Variants in KIF7 observed in about 807,000 individuals in gnomAD.
KIF7 encodes the protein kinesin family member 7.
KIF7 carries 104 observed loss-of-function variants against 135.7 expected under a neutral mutation model. The observed-to-expected ratio is 0.77, with a 90% CI of 0.65 to 0.90. The LOEUF (loss-of-function observed/expected upper bound fraction) is 0.90, where lower values mean the gene tolerates loss of function less well. Ranked by LOEUF, KIF7 falls within the 40% of genes least tolerant of loss-of-function variation. The probability of loss-of-function intolerance (pLI) is 0.00; values close to 1 mark genes in which losing one functional copy is unlikely to be tolerated. For missense variants in KIF7, 2,005 were observed against 1,839.1 expected (o/e 1.09, Z -1.65); for synonymous variants, 883 against 809.4 (o/e 1.09, Z -1.54).
rs1289968482 is a variant in KIF7, at chr15:89,630,449, C to G, written c.3156G>C (p.Leu1052=). 6.3e-7 allele frequency: 1 copy of G among 1,579,146 alleles called. No homozygotes were observed. The highest frequency in any genetic ancestry group is 1.2e-5 in the South Asian group (1 of 86,634). ...CATTCTTATACTCAATGGCAGCATC[C>G]AGGGCCTCGATGGCCTCATCCAACT... ...LFQLDEAIEA[L]DAAIEYKNEA... Residue 1052 remains leucine, a synonymous_variant, in exon 16 of 19, where the codon CTG becomes CTC. Coordinates refer to ENST00000394412, the MANE Select transcript of KIF7 (RefSeq NM_198525.3).
chr15:89,625,883 C>T (rs1300938352), downstream of KIF7: 3 of 1,542,942 alleles, frequency 1.9e-6, no homozygotes, highest in Non-Finnish European at 2.6e-6. Flanking sequence ...GAGGCCTGGG[C>T]TTCCCGGTTG....
In KIF7 at chr15:89,647,587, G is replaced by C; in HGVS notation, c.1560+9C>G. The C allele has an allele frequency of 6.2e-7, 1 of 1,608,826 alleles. No individual in the cohort carries two copies. The highest frequency in any genetic ancestry group is 8.5e-7 in the Non-Finnish European group (1 of 1,177,906). On this transcript the variant is annotated intron_variant, in intron 6 of 18. Coordinates refer to ENST00000394412, the MANE Select transcript of KIF7 (RefSeq NM_198525.3). ...AAGCCTTCCCCGCACTGTGAAGCGGGCGCCGCACCTGCAGTTTGTACTGCT... is the reference window on the plus strand; with the variant it reads ...AAGCCTTCCCCGCACTGTGAAGCGGCCGCCGCACCTGCAGTTTGTACTGCT...
At chr15:89,625,767 C>G, downstream of KIF7, 1 of 1,604,346 alleles carries the variant, frequency 6.2e-7, no homozygotes, top group Non-Finnish European at 8.5e-7. Context: ...CCACGGGAGA[C>G]GAAGAGGTGT....
intron 14 of KIF7, among the ~76,000 whole-genome samples, chr15:89,632,085 A>G (rs980958446): frequency 2.6e-5 from 4 of 152,168 alleles, no homozygotes; most frequent in East Asian, 1.9e-4. Context: ...TGCGGGAGGA[A>G]GTGAGGGCTC....
chr15:89,638,597 G>T (rs1212650915), intron 11 of KIF7, among the ~76,000 whole-genome samples: 1 of 151,162 alleles, frequency 6.6e-6, no homozygotes. Context: ...GGGATGTGAA[G>T]GACCTCTTCA....
At chr15:89,621,819 T>G (rs1963429655) in intron 1 of KIF7, among the ~76,000 whole-genome samples, 1 of 152,144 alleles carries the variant, frequency 6.6e-6, no homozygotes, top group South Asian at 2.1e-4. Context: ...GTTTATATTA[T>G]ATACTGCACA....
chr15:89,652,886 T>C lies in KIF7; in HGVS notation c.45A>G (p.Pro15=). The change falls in exon 2 of 19, where the codon CCA becomes CCG. Residue 15 remains proline (P), a synonymous_variant. Transcript: ENST00000394412. Reference sequence around the variant, plus strand: ...GTCGAACTCGCAGGGCAACCCGCACTGGGGCCTCCTCAGCCCCTGGCAGCC... The same window carrying C: ...GTCGAACTCGCAGGGCAACCCGCACCGGGGCCTCCTCAGCCCCTGGCAGCC... The part of the protein sequence containing the change: ...AQRLPGAEEA[P]VRVALRVRPL... The C allele has an allele frequency of 6.5e-7, 1 of 1,538,736 alleles. No homozygotes were observed. The highest frequency in any genetic ancestry group is 8.8e-7 in the Non-Finnish European group (1 of 1,140,542).
At chr15:89,661,935 A>G in the KIF7 span, among the ~76,000 whole-genome samples, 2 of 152,068 alleles carry the variant, frequency 1.3e-5, no homozygotes, top group African/African-American at 4.8e-5. Flanking sequence ...GGGTTTCACC[A>G]TGTTGGCCAG....
chr15:89,645,956 G>A lies in KIF7; in HGVS notation c.1859C>T (p.Ser620Leu), dbSNP rs776869340. Reference sequence around the variant, plus strand: ...CTCCTCTTCCTCCTCTGAAGCAGCTGAAGAGCCACTTCCCAGCCTGTTCAC... The same window carrying A: ...CTCCTCTTCCTCCTCTGAAGCAGCTAAAGAGCCACTTCCCAGCCTGTTCAC... ...TEVNRLGSGS[S>L]AASEEEEEEE... Residue 620 changes from serine to leucine, a missense_variant, in exon 8 of 19, where the codon TCA becomes TTA. Physicochemically the swap from Ser to Leu is moderately radical, Grantham distance 145. Coordinates refer to ENST00000394412, the MANE Select transcript of KIF7 (RefSeq NM_198525.3). 6.8e-6 allele frequency: 11 copies of A among 1,613,792 alleles called. No homozygotes were observed. The highest frequency in any genetic ancestry group is 9.3e-6 in the Non-Finnish European group (11 of 1,180,010).
chr15:89,633,974 G>A, intron 11 of KIF7, 91 bp from the exon 12 acceptor site: 1 of 1,362,798 alleles, frequency 7.3e-7, no homozygotes, highest in Non-Finnish European at 1.0e-6. Flanking sequence ...GGCAGATAGA[G>A]GGCAAATGGG....
chr15:89,651,234 G>A (rs1300095643), intron 2 of KIF7, among the ~76,000 whole-genome samples: 5 of 152,136 alleles, frequency 3.3e-5, no homozygotes, highest in Non-Finnish European at 7.3e-5. Context: ...CAAGTAGCTG[G>A]GACTACAGGC....
chr15:89,637,204 C>G (rs1258829705), intron 11 of KIF7, among the ~76,000 whole-genome samples: 6 of 130,872 alleles, frequency 4.6e-5, no homozygotes, highest in Non-Finnish European at 9.7e-5. Context: ...ATTTATAGCA[C>G]TAAATGCCCA....
At position 89,628,281 on chromosome 15, in the gene KIF7, T is replaced by C. The variant is rs1963576749; in HGVS notation, c.*138A>G. ...TCTTTTGGGCCATGGCCCAAATTTG[T>C]TGATCCCAGTGAGGGTACAGATGAG... is the stretch of plus-strand genomic sequence containing the variant. On this transcript the variant is annotated 3_prime_UTR_variant, in exon 19 of 19. Coordinates refer to ENST00000394412, the MANE Select transcript of KIF7 (RefSeq NM_198525.3). The C allele has an allele frequency of 1.8e-6, 2 of 1,124,688 alleles. No homozygotes were observed. Among genetic ancestry groups the C allele is most frequent in the Non-Finnish European group, 1.2e-6 (1 of 806,728 alleles). The allele number at this position is 1,124,688 out of a possible 1,614,324, so 69.7% of individuals were successfully genotyped here.
chr15:89,643,404 A>G (rs1963956424), intron 10 of KIF7, among the ~76,000 whole-genome samples: 1 of 152,220 alleles, frequency 6.6e-6, no homozygotes, highest in Non-Finnish European at 1.5e-5. Context: ...ACTATACCAC[A>G]TTATTTACTA....
intron 2 of KIF7, chr15:89,618,020 G>T: frequency 2.2e-6 from 2 of 896,562 alleles, no homozygotes; most frequent in Non-Finnish European, 1.8e-6. Flanking sequence ...ACGTATGAGA[G>T]CCCTTTACCA....
At chr15:89,656,826 T>C (rs142415951), upstream of KIF7, among the ~76,000 whole-genome samples, 425 of 152,318 alleles carry the variant, frequency 2.8e-3, 1 homozygote, top group African/African-American at 9.6e-3. Flanking sequence ...GACACTGTTG[T>C]TCCCAAATAT....
downstream of KIF7, chr15:89,626,973 C>A: frequency 6.2e-7 from 1 of 1,614,050 alleles, no homozygotes; most frequent in Non-Finnish European, 8.5e-7. Flanking sequence ...TGTGGATGTT[C>A]TTCCCTCCAC....
At chr15:89,647,104 G>A (rs762858022) in intron 6 of KIF7, 47 bp from the exon 7 acceptor site, 76 of 1,496,874 alleles carry the variant, frequency 5.1e-5, no homozygotes, top group Non-Finnish European at 6.2e-5. Flanking sequence ...TGCCCCGACA[G>A]GCAGGAGTGT....
In KIF7 at chr15:89,639,842, T is replaced by C. The variant is rs1329097511; in HGVS notation, c.2394+2361A>G. ...ATGCAGCTATAAAGACACATGCACA[T>C]GTATGTTTATTGTGGCATTATTCAC... is the stretch of plus-strand genomic sequence containing the variant. On this transcript the variant is annotated intron_variant, in intron 11 of 18. Coordinates refer to ENST00000394412, the MANE Select transcript of KIF7 (RefSeq NM_198525.3). 6.6e-5 allele frequency among the ~76,000 whole-genome samples: 10 copies of C among 152,188 alleles called. No individual in the cohort carries two copies. The East Asian group carries it at 1.5e-3, about 23-fold the overall frequency.
Sources: allele counts gnomAD v4.1 joint callset (sites outside exome capture counted in the v4.1 genomes callset), GRCh38; gene constraint gnomAD v4.1.1; transcripts MANE v1.5; gene names NCBI Gene and HGNC (gene_info 2026-07-23, HGNC 2026-07-21).